Variants in TAS2R1 observed in about 807,000 individuals in gnomAD.
TAS2R1 encodes the protein taste receptor type 2 member 1.
For synonymous variants in TAS2R1, 141 were observed against 134.2 expected (o/e 1.05, Z -0.35); for missense variants, 370 against 353.4 (o/e 1.05, Z -0.38).
At chr5:9,662,628 T>A (rs1465494281) in intron 1 of TAS2R1, among the ~76,000 whole-genome samples, 1 of 152,160 alleles carries the variant, frequency 6.6e-6, no homozygotes, top group East Asian at 1.9e-4. Context: ...ACAACATACA[T>A]GCATGCTCTC....
the TAS2R1 span, among the ~76,000 whole-genome samples, chr5:9,900,091 C>A: frequency 6.6e-6 from 1 of 152,186 alleles, no homozygotes; most frequent in Non-Finnish European, 1.5e-5. Context: ...CAGAAGTAGG[C>A]AGAATTCAGA....
chr5:9,824,012 C>T, the TAS2R1 span, among the ~76,000 whole-genome samples: 685 of 152,276 alleles, frequency 4.5e-3, 5 homozygotes, highest in African/African-American at 0.016. Flanking sequence ...GAAAGTGTTG[C>T]CCGCCTGCCT....
chr5:9,644,015 C>T (rs1334101862), intron 2 of TAS2R1, among the ~76,000 whole-genome samples: 2 of 152,042 alleles, frequency 1.3e-5, no homozygotes, highest in African/African-American at 2.4e-5. Context: ...CAGGAATAAA[C>T]AATGCCCAGC....
At chr5:9,773,837 G>C in the TAS2R1 span, among the ~76,000 whole-genome samples, 11 of 152,074 alleles carry the variant, frequency 7.2e-5, no homozygotes, top group Non-Finnish European at 1.2e-4. Context: ...TGCTGCTTTA[G>C]GATACTTTCT....
chr5:9,898,391 T>A, the TAS2R1 span, among the ~76,000 whole-genome samples: 1 of 152,136 alleles, frequency 6.6e-6, no homozygotes, highest in East Asian at 1.9e-4. Flanking sequence ...GGAAATTCTT[T>A]AAGAGAGAGG....
At chr5:9,677,579 C>G (rs1740900706) in intron 1 of TAS2R1, among the ~76,000 whole-genome samples, 1 of 152,100 alleles carries the variant, frequency 6.6e-6, no homozygotes, top group South Asian at 2.1e-4. Flanking sequence ...AAAAGATAAT[C>G]AGCATCATAC....
At chr5:9,824,496 C>A in the TAS2R1 span, among the ~76,000 whole-genome samples, 1 of 152,110 alleles carries the variant, frequency 6.6e-6, no homozygotes, top group African/African-American at 2.4e-5. Flanking sequence ...AGGCCTAATG[C>A]CTGGACTAAT....
chr5:9,722,097 TA>T, the TAS2R1 span, among the ~76,000 whole-genome samples: 1 of 152,220 alleles, frequency 6.6e-6, no homozygotes. Flanking sequence ...TGCCATTTTG[TA>T]AACCTAAGGG....
chr5:9,693,400 T>C (rs180996475), intron 1 of TAS2R1, among the ~76,000 whole-genome samples: 14 of 151,738 alleles, frequency 9.2e-5, no homozygotes, highest in African/African-American at 2.7e-4. Flanking sequence ...GGCACATGCC[T>C]GTAATCCCAG....
the TAS2R1 span, among the ~76,000 whole-genome samples, chr5:9,859,526 C>T: frequency 6.6e-6 from 1 of 152,140 alleles, no homozygotes; most frequent in Admixed American, 6.5e-5. Flanking sequence ...CTTATGGTAT[C>T]CCATTGATTA....
the TAS2R1 span, among the ~76,000 whole-genome samples, chr5:9,737,992 C>T: frequency 2.0e-5 from 3 of 152,240 alleles, no homozygotes; most frequent in South Asian, 2.1e-4. Flanking sequence ...GAGAAGGACA[C>T]GTATGATGCA....
At chr5:9,831,172 T>G in the TAS2R1 span, among the ~76,000 whole-genome samples, 5 of 152,280 alleles carry the variant, frequency 3.3e-5, no homozygotes, top group East Asian at 5.8e-4. Context: ...CAGATTGCAG[T>G]TGGGACTGTA....
At chr5:9,805,618 A>G in the TAS2R1 span, among the ~76,000 whole-genome samples, 1 of 152,324 alleles carries the variant, frequency 6.6e-6, no homozygotes, top group Non-Finnish European at 1.5e-5. Flanking sequence ...AATGTGATAC[A>G]CCACATAAAC....
intron 1 of TAS2R1, among the ~76,000 whole-genome samples, chr5:9,693,668 C>T (rs1741300009): frequency 6.7e-6 from 1 of 150,154 alleles, no homozygotes; most frequent in Non-Finnish European, 1.5e-5. Context: ...CAGACAAATA[C>T]ATTTCTTAAA....
chr5:9,842,278 G>A, the TAS2R1 span, among the ~76,000 whole-genome samples: 8,522 of 148,410 alleles, frequency 0.057, 613 homozygotes, highest in East Asian at 0.22. Flanking sequence ...TCCAGGGAAG[G>A]TTCAACCTAT....
At chr5:9,715,213 G>C (rs1317244201), upstream of TAS2R1, among the ~76,000 whole-genome samples, 2 of 152,214 alleles carry the variant, frequency 1.3e-5, no homozygotes, top group Admixed American at 6.5e-5. Context: ...CTAGGAATTT[G>C]GGGCATATGG....
At chr5:9,858,344 A>G in the TAS2R1 span, among the ~76,000 whole-genome samples, 3 of 152,158 alleles carry the variant, frequency 2.0e-5, no homozygotes, top group Non-Finnish European at 4.4e-5. Flanking sequence ...GTTGGCATCC[A>G]AGGCAAAGTG....
At chr5:9,803,221 A>G in the TAS2R1 span, among the ~76,000 whole-genome samples, 1 of 152,352 alleles carries the variant, frequency 6.6e-6, no homozygotes, top group Non-Finnish European at 1.5e-5. Flanking sequence ...AAATGGAAAA[A>G]GCTTCCAAGA....
At chr5:9,755,112 T>C in the TAS2R1 span, among the ~76,000 whole-genome samples, 4 of 152,174 alleles carry the variant, frequency 2.6e-5, no homozygotes, top group Non-Finnish European at 1.5e-5. Flanking sequence ...CAATTCGGTA[T>C]ACCCTCAAAA....
Sources: allele counts gnomAD v4.1 joint callset (sites outside exome capture counted in the v4.1 genomes callset), GRCh38; gene constraint gnomAD v4.1.1; transcripts MANE v1.5; gene names NCBI Gene and HGNC (gene_info 2026-07-23, HGNC 2026-07-21).